ZNF804A: variants seen among roughly 807,000 people sequenced by gnomAD.
ZNF804A encodes zinc finger protein 804A.
Under a neutral mutation model 16.5 loss-of-function variants are expected in ZNF804A, and 2 were observed. That is an observed-to-expected ratio of 0.12 (90% CI 0.05 to 0.38). ZNF804A has a LOEUF of 0.38. Among genes scored for constraint, ZNF804A ranks in the 10% least tolerant of loss-of-function variants. The pLI is 0.99. For missense variants in ZNF804A, 1,473 were observed against 1,390.7 expected, an observed-to-expected ratio of 1.06 and a Z score of -0.94; for synonymous variants, 534 against 489.6, an observed-to-expected ratio of 1.09 and a Z score of -1.20.
intron 1 of ZNF804A, among the ~76,000 whole-genome samples, chr2:184,681,584 C>T (rs993014506): frequency 2.0e-5 from 3 of 152,198 alleles, no homozygotes; most frequent in Admixed American, 2.0e-4. Context: ...TAACAAACTC[C>T]TCCAATTATC....
chr2:184,832,132 T>G (rs560525763), intron 1 of ZNF804A, among the ~76,000 whole-genome samples: 1 of 152,152 alleles, frequency 6.6e-6, no homozygotes, highest in Non-Finnish European at 1.5e-5. Context: ...TCCATCTCTT[T>G]TATCCACATC....
At chr2:184,761,789 G>A (rs1250000230) in intron 1 of ZNF804A, among the ~76,000 whole-genome samples, 1 of 152,136 alleles carries the variant, frequency 6.6e-6, no homozygotes, top group African/African-American at 2.4e-5. Flanking sequence ...GTCTGCAATT[G>A]TTTGAAGGTG....
chr2:184,739,599 C>T (rs1693682861), intron 1 of ZNF804A, among the ~76,000 whole-genome samples: 1 of 152,120 alleles, frequency 6.6e-6, no homozygotes, highest in Non-Finnish European at 1.5e-5. Context: ...GCCATGTTGG[C>T]CAGGCTCATC....
At chr2:184,804,809 A>T (rs1482623953) in intron 1 of ZNF804A, among the ~76,000 whole-genome samples, 1 of 152,226 alleles carries the variant, frequency 6.6e-6, no homozygotes, top group Non-Finnish European at 1.5e-5. Context: ...CAAGTGCGTT[A>T]TACAGCAACA....
chr2:184,768,223 T>C (rs1574203049), intron 1 of ZNF804A, among the ~76,000 whole-genome samples: 3 of 152,092 alleles, frequency 2.0e-5, no homozygotes, highest in East Asian at 3.9e-4. Flanking sequence ...TGAAAGTGTA[T>C]TGGGGGATGT....
chr2:184,752,796 T>C (rs1693895961), intron 1 of ZNF804A, among the ~76,000 whole-genome samples: 1 of 151,404 alleles, frequency 6.6e-6, no homozygotes, highest in Non-Finnish European at 1.5e-5. Context: ...AATTAAAAAA[T>C]AGGAAAAGGA....
intron 1 of ZNF804A, among the ~76,000 whole-genome samples, chr2:184,618,660 C>T (rs1049138573): frequency 1.3e-5 from 2 of 151,926 alleles, no homozygotes; most frequent in African/African-American, 4.8e-5. Flanking sequence ...CAATTTTCTC[C>T]CAGCTTTTAA....
intron 2 of ZNF804A, among the ~76,000 whole-genome samples, chr2:184,892,975 G>A (rs1465387464): frequency 6.6e-6 from 1 of 152,046 alleles, no homozygotes; most frequent in African/African-American, 2.4e-5. Context: ...GAAGGCTAGA[G>A]CCTAACTTTT....
intron 1 of ZNF804A, among the ~76,000 whole-genome samples, chr2:184,620,355 C>A (rs1243945475): frequency 6.6e-6 from 1 of 151,676 alleles, no homozygotes; most frequent in Non-Finnish European, 1.5e-5. Context: ...TTCTGCAAAT[C>A]AGTTCATAAA....
chr2:184,897,582 T>C (rs914187432), intron 2 of ZNF804A, among the ~76,000 whole-genome samples: 4 of 152,138 alleles, frequency 2.6e-5, no homozygotes, highest in African/African-American at 7.2e-5. Flanking sequence ...AGTATCTAAA[T>C]AAATAATTTG....
chr2:184,765,552 C>G (rs184009674), intron 1 of ZNF804A, among the ~76,000 whole-genome samples: 21 of 149,836 alleles, frequency 1.4e-4, no homozygotes, highest in South Asian at 4.2e-4. Context: ...GTGCATGCAG[C>G]CCCCAGTCAC....
intron 1 of ZNF804A, among the ~76,000 whole-genome samples, chr2:184,816,965 T>G (rs1245568093): frequency 1.3e-5 from 2 of 152,020 alleles, no homozygotes; most frequent in Non-Finnish European, 2.9e-5. Context: ...AAATATATCT[T>G]AAGTACTTCA....
Position 184,795,552 on chromosome 2 carries a change from A to G in ZNF804A, c.112-70817A>G, listed in dbSNP as rs966839328. On this transcript the variant is annotated intron_variant, in intron 1 of 3. Coordinates refer to ENST00000302277, the MANE Select transcript of ZNF804A (RefSeq NM_194250.2). ...ACAAATCAAACCCAAACCCAGCAGAAGAAAGGAAATAACCAGGATCAGAGT... is the reference window on the plus strand; with the variant it reads ...ACAAATCAAACCCAAACCCAGCAGAGGAAAGGAAATAACCAGGATCAGAGT... Among the ~76,000 whole-genome samples, 19 of 152,282 alleles carry G rather than the reference A, an allele frequency of 1.2e-4. No homozygotes were observed. The East Asian group carries it at 1.9e-3, about 15-fold the overall frequency.
intron 1 of ZNF804A, among the ~76,000 whole-genome samples, chr2:184,614,001 A>G (rs1293935257): frequency 6.6e-6 from 1 of 152,190 alleles, no homozygotes; most frequent in Admixed American, 6.5e-5. Context: ...AAAAGAACAA[A>G]GCTGGAGGCA....
intron 2 of ZNF804A, among the ~76,000 whole-genome samples, chr2:184,923,544 T>C (rs1214019950): frequency 6.6e-6 from 1 of 152,058 alleles, no homozygotes; most frequent in East Asian, 1.9e-4. Flanking sequence ...TATTTCTTTC[T>C]CTTGTCTGAT....
chr2:184,858,503 CAAA>C (rs61600757), intron 1 of ZNF804A, among the ~76,000 whole-genome samples: 6 of 84,000 alleles, frequency 7.1e-5, no homozygotes, highest in Non-Finnish European at 9.9e-5. Flanking sequence ...GACTCTGTCT[CAAA>C]AAAAAAAAAA....
chr2:184,750,488 C>T (rs1693861952), intron 1 of ZNF804A, among the ~76,000 whole-genome samples: 1 of 151,158 alleles, frequency 6.6e-6, no homozygotes, highest in Non-Finnish European at 1.5e-5. Flanking sequence ...TATAGTTGCA[C>T]TAATCGTTTT....
chr2:184,680,362 G>T (rs1322040970), intron 1 of ZNF804A, among the ~76,000 whole-genome samples: 9 of 152,062 alleles, frequency 5.9e-5, no homozygotes, highest in Admixed American at 5.9e-4. Flanking sequence ...ATGTCGGGAG[G>T]TCTTGCCTGT....
At chr2:184,638,281 T>C (rs1400096654) in intron 1 of ZNF804A, among the ~76,000 whole-genome samples, 1 of 152,200 alleles carries the variant, frequency 6.6e-6, no homozygotes, top group Non-Finnish European at 1.5e-5. Context: ...GATGACAGAC[T>C]TGGGGCTTCA....
Sources: gnomAD v4.1 joint callset for allele counts (sites outside exome capture counted in the v4.1 genomes callset) on GRCh38, gnomAD v4.1.1 for gene constraint, MANE v1.5 for transcripts, NCBI Gene and HGNC (gene_info 2026-07-23, HGNC 2026-07-21) for gene names.